The following KCNG2 variants were observed in gnomAD, a reference collection of about 807,000 sequenced individuals.
KCNG2 encodes voltage-gated potassium channel regulatory subunit KCNG2.
Under a neutral mutation model 12.3 loss-of-function variants are expected in KCNG2, and 7 were observed. That is an observed-to-expected ratio of 0.57 (90% CI 0.32 to 1.07). KCNG2 has a LOEUF of 1.07. KCNG2 is among the 50% of genes least tolerant of loss of function. The probability of loss-of-function intolerance (pLI) is 0.04; values close to 1 mark genes in which losing one functional copy is unlikely to be tolerated. For missense variants in KCNG2, 703 were observed against 726.0 expected (o/e 0.97, Z 0.36); for synonymous variants, 414 against 351.4 (o/e 1.18, Z -1.99).
At chr18:79,872,291 T>G (rs1229225291) in intron 3 of KCNG2, among the ~76,000 whole-genome samples, 1 of 135,622 alleles carries the variant, frequency 7.4e-6, no homozygotes, top group East Asian at 2.1e-4. Flanking sequence ...TTTTTTTTTT[T>G]TTTTTTTTTT....
At chr18:79,853,022 T>C (rs918550630) in intron 1 of KCNG2, among the ~76,000 whole-genome samples, 43 of 152,308 alleles carry the variant, frequency 2.8e-4, no homozygotes, top group African/African-American at 9.1e-4. Context: ...GGATGCCCCG[T>C]GTGTGCTGGA....
intron 3 of KCNG2, among the ~76,000 whole-genome samples, chr18:79,887,626 G>A (rs924611166): frequency 7.9e-5 from 12 of 152,188 alleles, no homozygotes; most frequent in Admixed American, 2.0e-4. Flanking sequence ...CTCACACACC[G>A]TGGATGCCCA....
intron 1 of KCNG2, among the ~76,000 whole-genome samples, chr18:79,810,780 C>CA (rs757873527): frequency 2.0e-4 from 30 of 152,022 alleles, no homozygotes; most frequent in Non-Finnish European, 2.2e-4. Context: ...CAAAACAAAC[C>CA]AAAAAACGTA....
Position 79,899,069 on chromosome 18 carries a change from G to C in KCNG2, c.654G>C (p.Leu218=). 6.3e-7 allele frequency: 1 copy of C among 1,588,036 alleles called. No individual in the cohort carries two copies. Among genetic ancestry groups the C allele is most frequent in the Non-Finnish European group, 8.5e-7 (1 of 1,170,736 alleles). The change falls in exon 4 of 4, where the codon CTG becomes CTC. Residue 218 remains leucine, a synonymous_variant. Transcript: ENST00000316249. ...AGTGCTCCCCCAAGTGCCGCAGCCT[G>C]TTCGTGCTGGAGACCGTGTGCGTGG... ...RGECSPKCRS[L]FVLETVCVAW... is the part of the protein sequence containing the mutation.
chr18:79,895,030 G>A (rs115554953), intron 3 of KCNG2, among the ~76,000 whole-genome samples: 2 of 151,252 alleles, frequency 1.3e-5, no homozygotes, highest in Non-Finnish European at 2.9e-5. Flanking sequence ...GATATAGTTA[G>A]GTCTCTGTCT....
chr18:79,810,039 G>A (rs1281181543), intron 1 of KCNG2, among the ~76,000 whole-genome samples: 2 of 152,222 alleles, frequency 1.3e-5, no homozygotes, highest in Non-Finnish European at 2.9e-5. Flanking sequence ...CGCCCATTGC[G>A]CTGGGCCTGG....
At chr18:79,828,651 G>C (rs534119661) in intron 1 of KCNG2, among the ~76,000 whole-genome samples, 4 of 151,762 alleles carry the variant, frequency 2.6e-5, no homozygotes, top group African/African-American at 9.7e-5. Context: ...GTGTATGTCT[G>C]TGTGTGCCTG....
At position 79,803,775 on chromosome 18, in the gene KCNG2, C is replaced by T. The variant is rs1054722360; in HGVS notation, c.-115+5761C>T. On this transcript the variant is annotated intron_variant, in intron 1 of 3. Coordinates refer to ENST00000316249, the MANE Select transcript of KCNG2 (RefSeq NM_012283.2). The surrounding 1 kb of genome is among the most constrained non-coding windows in gnomAD (Gnocchi z 4.5). ...GTCTCCCGACCACAGGCCCCAGTCC[C>T]GGCCAAGGTTCCAGGATGCCAGCAG... Among the ~76,000 whole-genome samples, 1 of 152,230 alleles carries T rather than the reference C, an allele frequency of 6.6e-6. No individual in the cohort carries two copies. The highest frequency in any genetic ancestry group is 6.5e-5 in the Admixed American group (1 of 15,286).
chr18:79,895,442 T>TTG (rs1365621932), intron 3 of KCNG2, among the ~76,000 whole-genome samples: 1 of 152,092 alleles, frequency 6.6e-6, no homozygotes, highest in Non-Finnish European at 1.5e-5. Context: ...TTCATAACGA[T>TTG]TGATATAGTT....
chr18:79,810,128 T>C (rs1055429006), intron 1 of KCNG2, among the ~76,000 whole-genome samples: 2 of 151,944 alleles, frequency 1.3e-5, no homozygotes, highest in Non-Finnish European at 2.9e-5. Context: ...GCTTCTCATG[T>C]GCAAAGGCAG....
chr18:79,798,296 C>G (rs1394538150), intron 1 of KCNG2, among the ~76,000 whole-genome samples: 2 of 151,984 alleles, frequency 1.3e-5, no homozygotes, highest in Admixed American at 6.5e-5. Context: ...GGCGTCGGGC[C>G]GGAGGCGCTC....
chr18:79,897,973 GCTTT>G (rs942776892), intron 3 of KCNG2, among the ~76,000 whole-genome samples: 4 of 152,160 alleles, frequency 2.6e-5, no homozygotes, highest in Middle Eastern at 6.8e-3. Flanking sequence ...CCTTCTCATT[GCTTT>G]CTGAGAGTGC....
chr18:79,799,162 T>G (rs1013411164), intron 1 of KCNG2, among the ~76,000 whole-genome samples: 3 of 152,216 alleles, frequency 2.0e-5, no homozygotes, highest in African/African-American at 7.2e-5. Flanking sequence ...TTGACCCAGC[T>G]GGGAGATCTC....
intron 3 of KCNG2, among the ~76,000 whole-genome samples, chr18:79,894,707 C>T (rs1447014677): frequency 1.3e-5 from 2 of 151,160 alleles, no homozygotes; most frequent in African/African-American, 4.9e-5. Context: ...TCTGTGTCTG[C>T]TTTTGATTGG....
intron 1 of KCNG2, among the ~76,000 whole-genome samples, chr18:79,840,600 T>G (rs1305238171): frequency 1.3e-5 from 2 of 152,150 alleles, no homozygotes; most frequent in Non-Finnish European, 2.9e-5. Context: ...TATCTAAAAT[T>G]TATATAGAAA....
At chr18:79,815,680 C>G (rs375869857) in intron 1 of KCNG2, among the ~76,000 whole-genome samples, 3 of 152,334 alleles carry the variant, frequency 2.0e-5, no homozygotes, top group South Asian at 2.1e-4. Flanking sequence ...CTAAACCATT[C>G]TGTCTGGAGC....
chr18:79,870,439 G>C (rs949033073), intron 3 of KCNG2, among the ~76,000 whole-genome samples: 1 of 152,136 alleles, frequency 6.6e-6, no homozygotes, highest in African/African-American at 2.4e-5. Flanking sequence ...AGGATCCAGA[G>C]GCTTTGGAGG....
intron 1 of KCNG2, among the ~76,000 whole-genome samples, chr18:79,828,563 GTGCATGTCTGTGTGCATGTGTC>G: frequency 6.6e-6 from 1 of 152,112 alleles, no homozygotes; most frequent in African/African-American, 2.4e-5. Context: ...GTCTATCTGT[GTGCATGTCTGTGTGCATGTGTC>G]TGCATGTGGG....
intron 3 of KCNG2, among the ~76,000 whole-genome samples, chr18:79,880,162 C>T (rs1980238557): frequency 6.6e-6 from 1 of 151,976 alleles, no homozygotes; most frequent in African/African-American, 2.4e-5. Context: ...CTCAACTCTA[C>T]AAAGTCACCC....
Sources: gnomAD v4.1 joint callset for allele counts (sites outside exome capture counted in the v4.1 genomes callset) on GRCh38, gnomAD v4.1.1 for gene constraint, Gnocchi (gnomAD v3.1) non-coding constraint, MANE v1.5 for transcripts, NCBI Gene and HGNC (gene_info 2026-07-23, HGNC 2026-07-21) for gene names.